AGA: variants seen among roughly 807,000 people sequenced by gnomAD.
The protein encoded by AGA is N(4)-(beta-N-acetylglucosaminyl)-L-asparaginase.
AGA carries 31 observed loss-of-function variants against 40.1 expected under a neutral mutation model. That is an observed-to-expected ratio of 0.77 (90% CI 0.58 to 1.04). AGA has a LOEUF of 1.04. Among genes scored for constraint, AGA ranks in the 50% least tolerant of loss-of-function variants. AGA has a pLI of 0.00. For missense variants in AGA, 445 were observed against 435.4 expected, an observed-to-expected ratio of 1.02 and a Z score of -0.20; for synonymous variants, 148 against 144.0, an observed-to-expected ratio of 1.03 and a Z score of -0.20.
chr4:177,431,685 C>G lies in AGA; in HGVS notation c.*23G>C. The G allele has an allele frequency of 6.4e-7, 1 of 1,568,172 alleles. No individual in the cohort carries two copies. Among genetic ancestry groups the G allele is most frequent in the Non-Finnish European group, 8.8e-7 (1 of 1,138,770 alleles). On this transcript the variant is annotated 3_prime_UTR_variant, in exon 9 of 9. Coordinates refer to ENST00000264595, the MANE Select transcript of AGA (RefSeq NM_000027.4). ...CCTTTGTTTCTTTCTTCTTTAAATACAGATGTTGACAGTAAAGATGGATTA... is the reference window on the plus strand; with the variant it reads ...CCTTTGTTTCTTTCTTCTTTAAATAGAGATGTTGACAGTAAAGATGGATTA...
intron 5 of AGA, among the ~76,000 whole-genome samples, chr4:177,436,860 C>A (rs1226022020): frequency 6.6e-6 from 1 of 152,188 alleles, no homozygotes; most frequent in African/African-American, 2.4e-5. Context: ...GGGCTTAATG[C>A]CATTATCGCA....
At position 177,433,302 on chromosome 4, in the gene AGA, T is replaced by A. The variant is rs540397394; in HGVS notation, c.852A>T (p.Ile284=). The A allele has an allele frequency of 1.2e-6, 2 of 1,614,114 alleles. No homozygotes were observed. The highest frequency in any genetic ancestry group is 1.1e-5 in the South Asian group (1 of 91,082). ...EYMRRGEDPT[I]ACQKVISRIQ... ...TTCTTGAAATCACTTTTTGGCAAGC[T>A]ATGGTTGGATCTTCTCCTCTTCTCA... is the stretch of plus-strand genomic sequence containing the variant. Residue 284 remains isoleucine, a synonymous_variant, in exon 8 of 9, where the codon ATA becomes ATT. Coordinates refer to ENST00000264595, the MANE Select transcript of AGA (RefSeq NM_000027.4).
In AGA at chr4:177,431,884, T is replaced by C. The variant is rs1274027021; in HGVS notation, c.941-76A>G. 3.2e-6 allele frequency: 4 copies of C among 1,230,802 alleles called. No homozygotes were observed. In the East Asian group the frequency reaches 9.7e-5, roughly 30 times the overall value. The allele number at this position is 1,230,802 out of a possible 1,614,324, so 76.2% of individuals were successfully genotyped here. On this transcript the variant is annotated intron_variant, in intron 8 of 8. Coordinates refer to ENST00000264595, the MANE Select transcript of AGA (RefSeq NM_000027.4). Reference sequence around the variant, plus strand: ...TTATAACCAATACAGATACTGCTTATTTGACTAGACACTGGCTACTGTATA... The same window carrying C: ...TTATAACCAATACAGATACTGCTTACTTGACTAGACACTGGCTACTGTATA...
intron 2 of AGA, chr4:177,439,953 G>T (rs1736942152): frequency 3.4e-6 from 2 of 583,022 alleles, no homozygotes; most frequent in East Asian, 5.9e-5. Context: ...GCTTTTGAAA[G>T]GGGCCTGAAG....
intron 8 of AGA, among the ~76,000 whole-genome samples, chr4:177,432,089 T>A (rs1736653931): frequency 6.6e-6 from 1 of 152,208 alleles, no homozygotes; most frequent in Admixed American, 6.5e-5. Context: ...ATTATTTAAC[T>A]GTTCTTACGT....
At chr4:177,437,548 T>C in intron 4 of AGA, 29 bp from the exon 5 acceptor site, 1 of 1,509,244 alleles carries the variant, frequency 6.6e-7, no homozygotes, top group Non-Finnish European at 9.2e-7. Context: ...TTTTATTTCT[T>C]ACAAAGGGTA....
intron 5 of AGA, chr4:177,437,059 GA>G (rs1270567525): frequency 3.3e-6 from 1 of 301,576 alleles, no homozygotes; most frequent in East Asian, 9.0e-5. Flanking sequence ...TTATAACAGC[GA>G]AAAACAAACT....
Position 177,431,292 on chromosome 4 carries a change from C to G in AGA, c.*416G>C. ...GTGACATAATGAAATTCAATCAGGA[C>G]TGATCATGCTGAGACTCTGCTGTTT... On this transcript the variant is annotated 3_prime_UTR_variant, in exon 9 of 9. Coordinates refer to ENST00000264595, the MANE Select transcript of AGA (RefSeq NM_000027.4). The G allele has an allele frequency of 2.2e-6, 1 of 445,502 alleles. No individual in the cohort carries two copies. The highest frequency in any genetic ancestry group is 4.5e-6 in the Non-Finnish European group (1 of 224,702). The allele number at this position is 445,502 out of a possible 1,614,324, so 27.6% of individuals were successfully genotyped here. A position where few individuals can be genotyped will look rare whatever the true frequency, so the allele number is the denominator to read the frequency against.
intron 3 of AGA, 37 bp from the exon 4 acceptor site, chr4:177,438,894 A>G: frequency 3.0e-6 from 4 of 1,313,962 alleles, no homozygotes; most frequent in Non-Finnish European, 4.4e-6. Context: ...AAATTATTCA[A>G]GTATTGTCTT....
At chr4:177,432,782 A>G (rs938725054) in intron 8 of AGA, among the ~76,000 whole-genome samples, 1 of 152,220 alleles carries the variant, frequency 6.6e-6, no homozygotes, top group African/African-American at 2.4e-5. Context: ...CGGTTTACTA[A>G]TTAGTAATAC....
At chr4:177,433,625 G>T (rs1277280577) in intron 7 of AGA, among the ~76,000 whole-genome samples, 1 of 152,308 alleles carries the variant, frequency 6.6e-6, no homozygotes, top group East Asian at 1.9e-4. Context: ...ACAGTCAAAT[G>T]TAATGGCCAG....
chr4:177,431,164 T>C lies in AGA; in HGVS notation c.*544A>G, dbSNP rs768868546. 5 of 440,370 alleles carry C rather than the reference T, an allele frequency of 1.1e-5. No homozygotes were observed. The highest frequency in any genetic ancestry group is 2.3e-5 in the Non-Finnish European group (5 of 221,742). 27.3% of individuals were successfully genotyped at this position (440,370 alleles called of 1,614,324 possible). On this transcript the variant is annotated 3_prime_UTR_variant, in exon 9 of 9. Transcript: ENST00000264595. Reference sequence around the variant, plus strand: ...ATCAGAAGATAGCTGTATTTTCTAGTATGTACAAAACAAAGAGTATCTCAT... The same window carrying C: ...ATCAGAAGATAGCTGTATTTTCTAGCATGTACAAAACAAAGAGTATCTCAT...
In AGA at chr4:177,431,671, T is replaced by G. The variant is rs1328039758; in HGVS notation, c.*37A>C. 6.5e-7 allele frequency: 1 copy of G among 1,545,432 alleles called. No individual in the cohort carries two copies. The highest frequency in any genetic ancestry group is 8.9e-7 in the Non-Finnish European group (1 of 1,118,778). Reference sequence around the variant, plus strand: ...AGCAGCCTTTTCAGCCTTTGTTTCTTTCTTCTTTAAATACAGATGTTGACA... The same window carrying G: ...AGCAGCCTTTTCAGCCTTTGTTTCTGTCTTCTTTAAATACAGATGTTGACA... On this transcript the variant is annotated 3_prime_UTR_variant, in exon 9 of 9. Coordinates refer to ENST00000264595, the MANE Select transcript of AGA (RefSeq NM_000027.4).
In AGA at chr4:177,434,701, G is replaced by A. The variant is rs142926927; in HGVS notation, c.699-212C>T. Among the ~76,000 whole-genome samples the A allele has an allele frequency of 9.2e-3, 1,401 of 152,178 alleles. 80 individuals carry two copies. The highest frequency in any genetic ancestry group is 0.087 in the Admixed American group (1,334 of 15,286). On this transcript the variant is annotated intron_variant, in intron 6 of 8. Coordinates refer to ENST00000264595, the MANE Select transcript of AGA (RefSeq NM_000027.4). ...ATTATGTAAGAATTTGTTATCAGAC[G>A]TGGAGTGTACAACAGCTGAACTCAC...
chr4:177,436,868 G>A (rs1055301680), intron 5 of AGA, among the ~76,000 whole-genome samples: 13 of 152,186 alleles, frequency 8.5e-5, no homozygotes, highest in Non-Finnish European at 1.8e-4. Flanking sequence ...TGCCATTATC[G>A]CAGGGAGTGG....
rs386833421 is a variant in AGA, at chr4:177,439,671, C to T, written c.299G>A (p.Gly100Glu). Residue 100 changes from glycine to glutamate, a missense_variant, in exon 3 of 9, where the codon GGA becomes GAA. By Grantham distance (98) the Gly-to-Glu change is moderately conservative. Coordinates refer to ENST00000264595, the MANE Select transcript of AGA (RefSeq NM_000027.4). Reference protein sequence around the residue: ...MIMDGTTMDVGAVGDLRRIKN... With the variant: ...MIMDGTTMDVEAVGDLRRIKN... ...AATTCGTCTGAGATCTCCTACTGCT[C>T]CTACATCCATAGTAGTGCTGCAAGA... 5.6e-6 allele frequency: 9 copies of T among 1,609,646 alleles called. No homozygotes were observed. Among genetic ancestry groups the T allele is most frequent in the Non-Finnish European group, 6.8e-6 (8 of 1,176,776 alleles).
At chr4:177,438,718 A>AT (rs150633580) in intron 4 of AGA, 27 bp downstream of exon 4, 46 of 1,434,152 alleles carry the variant, frequency 3.2e-5, no homozygotes, top group Non-Finnish European at 4.1e-5. Context: ...CAATTAACTT[A>AT]TTTTTTTAAA....
At chr4:177,437,366 T>A in intron 5 of AGA, 39 bp downstream of exon 5, 2 of 1,389,636 alleles carry the variant, frequency 1.4e-6, no homozygotes, top group Non-Finnish European at 2.0e-6. Context: ...GATAATTAAC[T>A]AAACTTTATC....
Position 177,431,607 on chromosome 4 carries a change from G to C in AGA, c.*101C>G, listed in dbSNP as rs1218906232. ...TATTTTTGTGTTTATTTTACAAAAA[G>C]ACTTTAGAACACATGAGGAACACTA... On this transcript the variant is annotated 3_prime_UTR_variant, in exon 9 of 9. Coordinates refer to ENST00000264595, the MANE Select transcript of AGA (RefSeq NM_000027.4). 1.0e-6 allele frequency: 1 copy of C among 967,224 alleles called. No individual in the cohort carries two copies. Among genetic ancestry groups the C allele is most frequent in the Non-Finnish European group, 1.6e-6 (1 of 614,536 alleles). The allele number at this position is 967,224 out of a possible 1,614,324, so 59.9% of individuals were successfully genotyped here.
Sources: allele counts gnomAD v4.1 joint callset (sites outside exome capture counted in the v4.1 genomes callset), GRCh38; gene constraint gnomAD v4.1.1; transcripts MANE v1.5; gene names NCBI Gene and HGNC (gene_info 2026-07-23, HGNC 2026-07-21).